The following EIF2B3 variants were observed in gnomAD, a reference collection of about 807,000 sequenced individuals.
EIF2B3 encodes the protein eukaryotic translation initiation factor 2B subunit gamma.
Under a neutral mutation model 54.1 loss-of-function variants are expected in EIF2B3, and 20 were observed. The ratio of observed to expected loss-of-function variants is 0.37; its 90% CI spans 0.26 to 0.54. The LOEUF is 0.54. EIF2B3 is among the 20% of genes least tolerant of loss of function. The probability of loss-of-function intolerance (pLI) is 0.86; values close to 1 mark genes in which losing one functional copy is unlikely to be tolerated. For synonymous variants in EIF2B3, 153 were observed against 188.1 expected, an observed-to-expected ratio of 0.81 and a Z score of 1.52; for missense variants, 448 against 547.8, an observed-to-expected ratio of 0.82 and a Z score of 1.82.
At chr1:44,938,797 A>T (rs927891557) in intron 4 of EIF2B3, among the ~76,000 whole-genome samples, 9 of 152,054 alleles carry the variant, frequency 5.9e-5, no homozygotes, top group African/African-American at 2.2e-4. Context: ...GTATCTTTTT[A>T]AAAAGAAAGA....
chr1:44,934,038 C>G (rs1245581769), intron 4 of EIF2B3, among the ~76,000 whole-genome samples: 2 of 151,548 alleles, frequency 1.3e-5, no homozygotes, highest in East Asian at 3.9e-4. Flanking sequence ...AAGAGAATCA[C>G]TTGAATCCAG....
At chr1:44,976,981 G>A (rs763394022) in intron 3 of EIF2B3, among the ~76,000 whole-genome samples, 8 of 152,156 alleles carry the variant, frequency 5.3e-5, no homozygotes, top group Non-Finnish European at 1.2e-4. Context: ...TTTAGTATCT[G>A]TGCATTTTAC....
chr1:44,908,188 C>T (rs1241169000), intron 5 of EIF2B3, among the ~76,000 whole-genome samples: 2 of 152,230 alleles, frequency 1.3e-5, no homozygotes, highest in African/African-American at 4.8e-5. Flanking sequence ...ATGTCCTCTT[C>T]CAACAAATTT....
chr1:44,969,570 T>C (rs1184476115), intron 3 of EIF2B3, among the ~76,000 whole-genome samples: 2 of 152,156 alleles, frequency 1.3e-5, no homozygotes, highest in East Asian at 1.9e-4. Context: ...TTTTATAATA[T>C]ATTCTAAAAT....
chr1:44,874,836 G>T lies in EIF2B3; in HGVS notation c.1054-10C>A, dbSNP rs372697557. ...GGCTGTCAACTCCAACCTGTAAAAG[G>T]CAAAATATAAAACTCTGTCCACCCA... On this transcript the variant is annotated splice_polypyrimidine_tract_variant and intron_variant, in intron 9 of 11. Coordinates refer to ENST00000360403, the MANE Select transcript of EIF2B3 (RefSeq NM_020365.5). 2 of 1,613,878 alleles carry T rather than the reference G, an allele frequency of 1.2e-6. No individual in the cohort carries two copies. Among genetic ancestry groups the T allele is most frequent in the Non-Finnish European group, 1.7e-6 (2 of 1,180,004 alleles).
chr1:44,961,529 A>G (rs773168303), intron 3 of EIF2B3, among the ~76,000 whole-genome samples: 23 of 152,116 alleles, frequency 1.5e-4, no homozygotes, highest in Non-Finnish European at 2.8e-4. Context: ...ATAATTTTTT[A>G]AATTAGGCAG....
intron 5 of EIF2B3, among the ~76,000 whole-genome samples, chr1:44,919,374 C>G (rs1643690985): frequency 6.6e-6 from 1 of 151,334 alleles, no homozygotes; most frequent in South Asian, 2.1e-4. Context: ...AAATTAGTTA[C>G]AGCTGAACCA....
chr1:44,904,668 C>T (rs1037563460), intron 5 of EIF2B3, among the ~76,000 whole-genome samples: 7 of 152,140 alleles, frequency 4.6e-5, no homozygotes, highest in African/African-American at 1.4e-4. Context: ...TGCCTGCCAC[C>T]GTGCCCGGCT....
rs570774458 is a variant in EIF2B3 at position 44,971,968 on chromosome 1, G to T, written c.294+6347C>A. 8.3e-3 allele frequency among the ~76,000 whole-genome samples: 1,255 copies of T among 152,094 alleles called. 4 individuals carry two copies. Among genetic ancestry groups the T allele is most frequent in the Non-Finnish European group, 0.014 (943 of 67,966 alleles). ...GAATCGCTTGAACCTGGGAGGAAAG[G>T]TTGCAGTAAGCCGAGATTGCACCAT... On this transcript the variant is annotated intron_variant, in intron 3 of 11. Transcript: ENST00000360403.
chr1:44,918,360 GAGTGAGCCT>G (rs1238488239), intron 5 of EIF2B3, among the ~76,000 whole-genome samples: 1 of 151,844 alleles, frequency 6.6e-6, no homozygotes, highest in African/African-American at 2.4e-5. Context: ...GGGATTATAG[GAGTGAGCCT>G]CTGTGCCCAG....
At chr1:44,978,155 C>T (rs533963694) in intron 3 of EIF2B3, among the ~76,000 whole-genome samples, 160 bp downstream of exon 3, 5 of 152,192 alleles carry the variant, frequency 3.3e-5, no homozygotes, top group South Asian at 2.1e-4. Context: ...TGCTTGAACC[C>T]GGGAGGTGGA....
chr1:44,943,857 T>C (rs1032951953), intron 3 of EIF2B3, among the ~76,000 whole-genome samples: 5 of 152,138 alleles, frequency 3.3e-5, no homozygotes, highest in Admixed American at 6.5e-5. Context: ...TAAAGAAATA[T>C]AGTTTAGGCT....
rs748141041 is a variant in EIF2B3 at position 44,879,874 on chromosome 1, C to G, written c.919G>C (p.Glu307Gln). 2.5e-6 allele frequency: 4 copies of G among 1,614,182 alleles called. No homozygotes were observed. The highest frequency in any genetic ancestry group is 2.5e-6 in the Non-Finnish European group (3 of 1,180,046). The change falls in exon 8 of 12, where the codon GAG becomes CAG. Residue 307 changes from glutamate to glutamine, a missense_variant. Glu to Gln is a conservative substitution (Grantham distance 29). Transcript: ENST00000360403. ...QVRCYVHIMK[E>Q]GLCSRVSTLG... ...GTGCTCACTCGAGAGCAGAGCCCCT[C>G]TTTCATGATGTGGACATAGCAGCGC...
At chr1:44,870,455 T>C (rs1041536859) in intron 10 of EIF2B3, among the ~76,000 whole-genome samples, 1 of 152,078 alleles carries the variant, frequency 6.6e-6, no homozygotes, top group African/African-American at 2.4e-5. Context: ...ACCTGTCAAC[T>C]CTCCTCTCCC....
At chr1:44,913,826 T>C (rs1643566361) in intron 5 of EIF2B3, among the ~76,000 whole-genome samples, 1 of 146,250 alleles carries the variant, frequency 6.8e-6, no homozygotes. Context: ...CTTTTTAAAT[T>C]GGGAATTTTT....
intron 6 of EIF2B3, among the ~76,000 whole-genome samples, chr1:44,889,605 T>C (rs1286488763): frequency 6.6e-6 from 1 of 151,914 alleles, no homozygotes; most frequent in Non-Finnish European, 1.5e-5. Context: ...TTTTTTATCT[T>C]TTTTTTTGAA....
chr1:44,922,300 A>ATTT (rs1456272499), intron 5 of EIF2B3, among the ~76,000 whole-genome samples: 2 of 150,134 alleles, frequency 1.3e-5, no homozygotes, highest in Non-Finnish European at 3.0e-5. Flanking sequence ...AAATCTATAG[A>ATTT]TTGCAGCCAG....
At chr1:44,912,393 C>A (rs758443661) in intron 5 of EIF2B3, among the ~76,000 whole-genome samples, 3 of 152,176 alleles carry the variant, frequency 2.0e-5, no homozygotes, top group Non-Finnish European at 4.4e-5. Context: ...ATACTTCTGT[C>A]AGATTATTTT....
intron 2 of EIF2B3, among the ~76,000 whole-genome samples, chr1:44,979,053 G>A (rs941184509): frequency 1.3e-5 from 2 of 151,660 alleles, no homozygotes; most frequent in Non-Finnish European, 2.9e-5. Context: ...TTGGGAGGCC[G>A]AGGCAGGCGG....
Sources: gnomAD v4.1 joint callset for allele counts (sites outside exome capture counted in the v4.1 genomes callset) on GRCh38, gnomAD v4.1.1 for gene constraint, MANE v1.5 for transcripts, NCBI Gene and HGNC (gene_info 2026-07-23, HGNC 2026-07-21) for gene names.